NAA80: variants seen among roughly 807,000 people sequenced by gnomAD.
NAA80 encodes N-alpha-acetyltransferase 80.
NAA80 carries 5 observed loss-of-function variants against 8.7 expected under a neutral mutation model. The ratio of observed to expected loss-of-function variants is 0.58; its 90% confidence interval spans 0.30 to 1.21. The LOEUF (loss-of-function observed/expected upper bound fraction) is 1.21, where lower values mean the gene tolerates loss of function less well. NAA80 is among the 50% of genes most tolerant of loss of function. NAA80 has a pLI of 0.07. For synonymous variants in NAA80, 149 were observed against 156.6 expected (o/e 0.95, Z 0.36); for missense variants, 360 against 368.6 (o/e 0.98, Z 0.19).
In NAA80 at chr3:50,299,333, T is replaced by G. The variant is rs1702020367; in HGVS notation, c.-330A>C. 6.3e-7 allele frequency: 1 copy of G among 1,589,898 alleles called. No individual in the cohort carries two copies. Among genetic ancestry groups the G allele is most frequent in the Non-Finnish European group, 8.5e-7 (1 of 1,170,056 alleles). ...TTGGCCCCCAGCGGTGCGGCGGATG[T>G]TCTGCAGCCGTCGCGTCCTGCGGCA... On this transcript the variant is annotated 5_prime_UTR_variant, in exon 1 of 2. Coordinates refer to ENST00000443094, the MANE Select transcript of NAA80 (RefSeq NM_001200016.2).
intron 1 of NAA80, chr3:50,298,796 A>T: frequency 9.0e-7 from 1 of 1,110,634 alleles, no homozygotes; most frequent in Non-Finnish European, 1.1e-6. Context: ...CTCCCACACC[A>T]TTCACAGGGC....
chr3:50,297,575 C>A lies in NAA80; in HGVS notation c.-112G>T. The A allele has an allele frequency of 6.7e-7, 1 of 1,493,244 alleles. No homozygotes were observed. The highest frequency in any genetic ancestry group is 1.4e-5 in the South Asian group (1 of 72,774). The allele number at this position is 1,493,244 out of a possible 1,614,324, so 92.5% of individuals were successfully genotyped here. A position where few individuals can be genotyped will look rare whatever the true frequency, so the allele number is the denominator to read the frequency against. ...GCTGAGTCAGGCTGGGAGCCAAGGT[C>A]ACCTGCTGCTAGGTTGCAGGTGGCT... On this transcript the variant is annotated 5_prime_UTR_variant, in exon 2 of 2. Coordinates refer to ENST00000443094, the MANE Select transcript of NAA80 (RefSeq NM_001200016.2). The surrounding 1 kb of genome is among the most constrained non-coding windows in gnomAD (Gnocchi z 4.3).
At position 50,297,573 on chromosome 3, in the gene NAA80, G is replaced by A. The variant is rs1701905976; in HGVS notation, c.-110C>T. On this transcript the variant is annotated 5_prime_UTR_variant, in exon 2 of 2. Coordinates refer to ENST00000443094, the MANE Select transcript of NAA80 (RefSeq NM_001200016.2). The surrounding 1 kb of genome is among the most constrained non-coding windows in gnomAD (Gnocchi z 4.3). ...CAGCTGAGTCAGGCTGGGAGCCAAG[G>A]TCACCTGCTGCTAGGTTGCAGGTGG... 2 of 1,494,018 alleles carry A rather than the reference G, an allele frequency of 1.3e-6. No individual in the cohort carries two copies. Among genetic ancestry groups the A allele is most frequent in the African/African-American group, 1.4e-5 (1 of 71,008 alleles). The allele number at this position is 1,494,018 out of a possible 1,614,324, so 92.5% of individuals were successfully genotyped here.
At chr3:50,298,510 T>TA (rs1276373984) in intron 1 of NAA80, among the ~76,000 whole-genome samples, 2 of 151,290 alleles carry the variant, frequency 1.3e-5, no homozygotes, top group African/African-American at 4.9e-5. Context: ...GCACCCTAGA[T>TA]AAGGACCACA....
At position 50,297,334 on chromosome 3, in the gene NAA80, C is replaced by A; in HGVS notation, c.130G>T (p.Asp44Tyr). 1 of 1,609,164 alleles carries A rather than the reference C, an allele frequency of 6.2e-7. No homozygotes were observed. Among genetic ancestry groups the A allele is most frequent in the Non-Finnish European group, 8.5e-7 (1 of 1,177,096 alleles). ...GTCTCCTCTGGCTGGTGTTCAGGATCCAGGGTAAGCTCAGTTGGACCAGGA... is the reference window on the plus strand; with the variant it reads ...GTCTCCTCTGGCTGGTGTTCAGGATACAGGGTAAGCTCAGTTGGACCAGGA... ...FNPGPTELTL[D>Y]PEHQPEETPA... The change falls in exon 2 of 2, where the codon GAT (aspartate) becomes TAT (tyrosine). Residue 44 changes from aspartate (D) to tyrosine (Y), a missense_variant. Physicochemically the swap from Asp to Tyr is radical, Grantham distance 160 (BLOSUM62 -3). Coordinates refer to ENST00000443094, the MANE Select transcript of NAA80 (RefSeq NM_001200016.2). This position sits in a 1 kb window ranked among gnomAD's most constrained non-coding sequence, Gnocchi z 4.3.
At chr3:50,298,868 G>A in intron 1 of NAA80, 8 of 1,290,288 alleles carry the variant, frequency 6.2e-6, no homozygotes, top group Non-Finnish European at 7.9e-6. Context: ...TCTAGAGGGA[G>A]GAAGCCCCAG....
Position 50,297,033 on chromosome 3 carries a change from G to T in NAA80, c.431C>A (p.Ala144Asp), listed in dbSNP as rs975122679. The T allele has an allele frequency of 3.2e-6, 5 of 1,540,024 alleles. No homozygotes were observed. The highest frequency in any genetic ancestry group is 1.4e-5 in the African/African-American group (1 of 72,382). ...QSLLVETVVV[A>D]RALRGRGFGR... ...AAAGCCACGGCCCCTCAGGGCCCGG[G>T]CCACCACCACTGTCTCCACTAAGAG... is the stretch of plus-strand genomic sequence containing the variant. Residue 144 changes from alanine to aspartate, a missense_variant, in exon 2 of 2, where the codon GCC becomes GAC. By Grantham distance (126) the Ala-to-Asp change is moderately radical. Coordinates refer to ENST00000443094, the MANE Select transcript of NAA80 (RefSeq NM_001200016.2). The surrounding 1 kb of genome is among the most constrained non-coding windows in gnomAD (Gnocchi z 4.3).
intron 1 of NAA80, chr3:50,298,107 A>G: frequency 1.0e-6 from 1 of 985,224 alleles, no homozygotes; most frequent in Non-Finnish European, 1.2e-6. Flanking sequence ...TAGAAGATGC[A>G]AAGCAGACAC....
Position 50,298,845 on chromosome 3 carries a change from C to A in NAA80, c.-210+368G>T, listed in dbSNP as rs139807365. On this transcript the variant is annotated intron_variant, in intron 1 of 1. Transcript: ENST00000443094. ...CCTGCATCAGCCACCTCTGCAGCAG[C>A]CGCACCCTTTGGTCTAGAGGGAGGA... 65 of 1,228,970 alleles carry A rather than the reference C, an allele frequency of 5.3e-5. No homozygotes were observed. The East Asian group carries it at 2.8e-3, about 52-fold the overall frequency. The allele number at this position is 1,228,970 out of a possible 1,614,324, so 76.1% of individuals were successfully genotyped here. A position where few individuals can be genotyped will look rare whatever the true frequency, so the allele number is the denominator to read the frequency against.
chr3:50,297,784 G>A lies in NAA80; in HGVS notation c.-209-112C>T. On this transcript the variant is annotated intron_variant, in intron 1 of 1. Coordinates refer to ENST00000443094, the MANE Select transcript of NAA80 (RefSeq NM_001200016.2). The surrounding 1 kb of genome is among the most constrained non-coding windows in gnomAD (Gnocchi z 4.3). The stretch of plus-strand genomic sequence containing the variant: ...GCATACTGGAACTGGGGAGTGGTGG[G>A]CTGCACTTTGTCCCACACTCACCTG... 1.6e-6 allele frequency: 2 copies of A among 1,233,386 alleles called. No homozygotes were observed. Among genetic ancestry groups the A allele is most frequent in the Non-Finnish European group, 2.0e-6 (2 of 986,474 alleles). The allele number at this position is 1,233,386 out of a possible 1,614,324, so 76.4% of individuals were successfully genotyped here.
chr3:50,296,770 C>T lies in NAA80; in HGVS notation c.694G>A (p.Ala232Thr). The T allele has an allele frequency of 6.3e-7, 1 of 1,597,116 alleles. No homozygotes were observed. The highest frequency in any genetic ancestry group is 8.5e-7 in the Non-Finnish European group (1 of 1,171,686). The stretch of plus-strand genomic sequence containing the variant: ...GGAGGTCCCTTGGGACCCCTTGGGG[C>T]AGCTTGGGCAGTCAGGTTTGGGGCC... Reference protein sequence around the residue: ...RKAPNLTAQAAPRGPKGPPLP... With the variant: ...RKAPNLTAQATPRGPKGPPLP... The change falls in exon 2 of 2, where the codon GCC becomes ACC. Residue 232 changes from alanine (A) to threonine (T), a missense_variant. Transcript: ENST00000443094.
intron 1 of NAA80, among the ~76,000 whole-genome samples, chr3:50,298,553 G>C (rs587731030): frequency 1.3e-3 from 198 of 151,470 alleles, no homozygotes; most frequent in African/African-American, 4.6e-3. Flanking sequence ...GTGTCCAACG[G>C]TCACCAGGTT....
Position 50,297,681 on chromosome 3 carries a change from A to G in NAA80, c.-209-9T>C. ...CCACAGTGGCTCTCCTCCTGTAGATAACAGCCATGCTGGGCTGTGCCAGGA... is the reference window on the plus strand; with the variant it reads ...CCACAGTGGCTCTCCTCCTGTAGATGACAGCCATGCTGGGCTGTGCCAGGA... On this transcript the variant is annotated splice_polypyrimidine_tract_variant and intron_variant, in intron 1 of 1. Coordinates refer to ENST00000443094, the MANE Select transcript of NAA80 (RefSeq NM_001200016.2). This position sits in a 1 kb window ranked among gnomAD's most constrained non-coding sequence, Gnocchi z 4.3. 7.2e-7 allele frequency: 1 copy of G among 1,386,560 alleles called. No individual in the cohort carries two copies. Among genetic ancestry groups the G allele is most frequent in the Non-Finnish European group, 9.3e-7 (1 of 1,075,024 alleles). 85.9% of individuals were successfully genotyped at this position (1,386,560 alleles called of 1,614,324 possible).
chr3:50,297,628 A>C lies in NAA80; in HGVS notation c.-165T>G. 6.8e-7 allele frequency: 1 copy of C among 1,464,604 alleles called. No homozygotes were observed. Among genetic ancestry groups the C allele is most frequent in the South Asian group, 1.4e-5 (1 of 69,964 alleles). 90.7% of individuals were successfully genotyped at this position (1,464,604 alleles called of 1,614,324 possible). A position where few individuals can be genotyped will look rare whatever the true frequency, so the allele number is the denominator to read the frequency against. On this transcript the variant is annotated 5_prime_UTR_variant, in exon 2 of 2. Coordinates refer to ENST00000443094, the MANE Select transcript of NAA80 (RefSeq NM_001200016.2). This position sits in a 1 kb window ranked among gnomAD's most constrained non-coding sequence, Gnocchi z 4.3. ...GTGCCAGGCTGGAGGTTAAGACCCC[A>C]GTCTCCAGGCAGTAGCATCTCTTCA...
chr3:50,298,996 C>T, intron 1 of NAA80: 1 of 1,467,200 alleles, frequency 6.8e-7, no homozygotes, highest in Non-Finnish European at 9.0e-7. Flanking sequence ...CCGTCTCTCC[C>T]GGGCCTCGGT....
At position 50,297,520 on chromosome 3, in the gene NAA80, G is replaced by A. The variant is rs1553711590; in HGVS notation, c.-57C>T. ...TTGGCTGGGCCAGGGCTCAGAGTCA[G>A]CTCTTGCCTATGCACAGGATCCAGG... On this transcript the variant is annotated 5_prime_UTR_variant, in exon 2 of 2. Transcript: ENST00000443094. The surrounding 1 kb of genome is among the most constrained non-coding windows in gnomAD (Gnocchi z 4.3). 6.5e-7 allele frequency: 1 copy of A among 1,531,378 alleles called. No homozygotes were observed. Among genetic ancestry groups the A allele is most frequent in the Admixed American group, 2.0e-5 (1 of 49,216 alleles). The allele number at this position is 1,531,378 out of a possible 1,614,324, so 94.9% of individuals were successfully genotyped here.
At position 50,297,800 on chromosome 3, in the gene NAA80, C is replaced by T; in HGVS notation, c.-209-128G>A. On this transcript the variant is annotated intron_variant, in intron 1 of 1. Coordinates refer to ENST00000443094, the MANE Select transcript of NAA80 (RefSeq NM_001200016.2). This position sits in a 1 kb window ranked among gnomAD's most constrained non-coding sequence, Gnocchi z 4.3. ...GAGTGGTGGGCTGCACTTTGTCCCACACTCACCTGATAGCACAGGTGACCT... is the reference window on the plus strand; with the variant it reads ...GAGTGGTGGGCTGCACTTTGTCCCATACTCACCTGATAGCACAGGTGACCT... 1.7e-6 allele frequency: 2 copies of T among 1,198,208 alleles called. No homozygotes were observed. Among genetic ancestry groups the T allele is most frequent in the Non-Finnish European group, 1.0e-6 (1 of 964,568 alleles). The allele number at this position is 1,198,208 out of a possible 1,614,324, so 74.2% of individuals were successfully genotyped here.
Position 50,297,368 on chromosome 3 carries a change from C to T in NAA80, c.96G>A (p.Met32Ile). 1 of 1,613,136 alleles carries T rather than the reference C, an allele frequency of 6.2e-7. No homozygotes were observed. Among genetic ancestry groups the T allele is most frequent in the Non-Finnish European group, 8.5e-7 (1 of 1,179,496 alleles). The change falls in exon 2 of 2, where the codon ATG becomes ATA. Residue 32 changes from methionine to isoleucine, a missense_variant. Transcript: ENST00000443094. This position sits in a 1 kb window ranked among gnomAD's most constrained non-coding sequence, Gnocchi z 4.3. ...LPLDSTCQPE[M>I]TFNPGPTELT... is the part of the protein sequence containing the mutation. ...GCTCAGTTGGACCAGGATTGAAGGT[C>T]ATCTCTGGTTGGCATGTGGAATCCA...
Position 50,297,177 on chromosome 3 carries a change from T to A in NAA80, c.287A>T (p.Gln96Leu). Reference protein sequence around the residue: ...SRTSRLHSLGQSSDAFPLCLM... With the variant: ...SRTSRLHSLGLSSDAFPLCLM... Reference sequence around the variant, plus strand: ...GCAGAGGGGGAAGGCATCTGAGGACTGGCCCAGGGAGTGCAGGCGGGAGGT... The same window carrying A: ...GCAGAGGGGGAAGGCATCTGAGGACAGGCCCAGGGAGTGCAGGCGGGAGGT... The change falls in exon 2 of 2, where the codon CAG (glutamine) becomes CTG (leucine). Residue 96 changes from glutamine (Q) to leucine (L), a missense_variant. Gln to Leu is a moderately radical substitution (Grantham distance 113). Transcript: ENST00000443094. This position sits in a 1 kb window ranked among gnomAD's most constrained non-coding sequence, Gnocchi z 4.3. The A allele has an allele frequency of 6.2e-7, 1 of 1,608,928 alleles. No individual in the cohort carries two copies. Among genetic ancestry groups the A allele is most frequent in the Non-Finnish European group, 8.5e-7 (1 of 1,176,908 alleles).
Sources: gnomAD v4.1 joint callset for allele counts (sites outside exome capture counted in the v4.1 genomes callset) on GRCh38, gnomAD v4.1.1 for gene constraint, Gnocchi (gnomAD v3.1) non-coding constraint, MANE v1.5 for transcripts, NCBI Gene and HGNC (gene_info 2026-07-23, HGNC 2026-07-21) for gene names.